Variants in DMBX1 observed in about 807,000 individuals in gnomAD.
DMBX1 encodes the protein diencephalon/mesencephalon homeobox protein 1.
In DMBX1, 7 loss-of-function variants were observed where a neutral mutation model predicts 30.4. The observed-to-expected ratio is 0.23, with a 90% CI of 0.13 to 0.43. The LOEUF is 0.43. Ranked by LOEUF, DMBX1 falls within the 20% of genes least tolerant of loss-of-function variation. The pLI, the probability that DMBX1 is intolerant of heterozygous loss-of-function variation, is 1.00. For missense variants in DMBX1, 460 were observed against 508.5 expected (o/e 0.90, Z 0.92); for synonymous variants, 222 against 214.2 (o/e 1.04, Z -0.32).
rs998265259 is a variant in DMBX1, at chr1:46,493,220, C to G, written c.-13+2437C>G. On this transcript the variant is annotated intron_variant, in intron 2 of 5. Coordinates refer to ENST00000360032, the MANE Select transcript of DMBX1 (RefSeq NM_172225.2). The surrounding 1 kb of genome is among the most constrained non-coding windows in gnomAD (Gnocchi z 4.1). ...ACTGCTGCCCGCCAAAGCCCATTACCGAACGAGTAGGGAGGGGCGCTGGGG... is the reference window on the plus strand; with the variant it reads ...ACTGCTGCCCGCCAAAGCCCATTACGGAACGAGTAGGGAGGGGCGCTGGGG... Among the ~76,000 whole-genome samples, 31 of 152,316 alleles carry G rather than the reference C, an allele frequency of 2.0e-4. No individual in the cohort carries two copies. Among genetic ancestry groups the G allele is most frequent in the African/African-American group, 7.2e-4 (30 of 41,566 alleles).
At position 46,511,192 on chromosome 1, in the gene DMBX1, C is replaced by T. The variant is rs764711059; in HGVS notation, c.591C>T (p.Asp197=). ...AGGATCAGCCGGACCGTGAGGAGGA[C>T]CCCAGGGCAGGGGCTGAGGACCCCA... ...APEDQPDREE[D]PRAGAEDPKA... is the part of the protein sequence containing the mutation. Residue 197 remains aspartate (D), a synonymous_variant, in exon 5 of 6, where the codon GAC becomes GAT. Coordinates refer to ENST00000360032, the MANE Select transcript of DMBX1 (RefSeq NM_172225.2). 1 of 1,613,612 alleles carries T rather than the reference C, an allele frequency of 6.2e-7. No individual in the cohort carries two copies. Among genetic ancestry groups the T allele is most frequent in the Non-Finnish European group, 8.5e-7 (1 of 1,179,956 alleles).
chr1:46,499,497 CT>C (rs1666084411), intron 2 of DMBX1, among the ~76,000 whole-genome samples: 1 of 152,220 alleles, frequency 6.6e-6, no homozygotes, highest in Admixed American at 6.5e-5. Flanking sequence ...TCACCACTTT[CT>C]ACCTCCATGG....
intron 2 of DMBX1, among the ~76,000 whole-genome samples, chr1:46,495,564 A>G (rs1666011237): frequency 6.6e-6 from 1 of 152,182 alleles, no homozygotes; most frequent in Admixed American, 6.5e-5. Flanking sequence ...AATAATAGTT[A>G]TTTATTATAA....
rs200058413 is a variant in DMBX1 at position 46,512,481 on chromosome 1, C to T, written c.1121C>T (p.Thr374Met). The T allele has an allele frequency of 1.6e-5, 25 of 1,608,648 alleles. No individual in the cohort carries two copies. Among genetic ancestry groups the T allele is most frequent in the African/African-American group, 6.7e-5 (5 of 74,968 alleles). The change falls in exon 6 of 6, where the codon ACG (threonine) becomes ATG (methionine). Residue 374 changes from threonine (T) to methionine (M), a missense_variant. By Grantham distance (81) the Thr-to-Met change is moderately conservative. Transcript: ENST00000360032. The surrounding 1 kb of genome is among the most constrained non-coding windows in gnomAD (Gnocchi z 4.8). Reference sequence around the variant, plus strand: ...CACGCGGCCTCCCTGGGACTCGATACGCTGCCCAACTGACTGTCTGGCTTC... The same window carrying T: ...CACGCGGCCTCCCTGGGACTCGATATGCTGCCCAACTGACTGTCTGGCTTC... ...KQHAASLGLD[T>M]LPN
chr1:46,516,146 GTC>G lies in DMBX1; in HGVS notation c.*3655_*3656del, dbSNP rs1228773443. On this transcript the variant is annotated 3_prime_UTR_variant, in exon 6 of 6. Transcript: ENST00000360032. Reference sequence around the variant, plus strand: ...ACTCTGTGTATCTGTCCTTCTGTCAGTCTCATTCCCTGTGATGTTGTGACCTG... The same window carrying G: ...ACTCTGTGTATCTGTCCTTCTGTCAGTCATTCCCTGTGATGTTGTGACCTG... 6.6e-6 allele frequency among the ~76,000 whole-genome samples: 1 copy of G among 152,208 alleles called. No homozygotes were observed. The highest frequency in any genetic ancestry group is 2.4e-5 in the African/African-American group (1 of 41,450).
chr1:46,508,465 C>T (rs993617023), intron 3 of DMBX1, among the ~76,000 whole-genome samples: 1 of 152,212 alleles, frequency 6.6e-6, no homozygotes, highest in Non-Finnish European at 1.5e-5. Flanking sequence ...CCTGCCAGGC[C>T]TCTGGGCAGA....
Position 46,515,915 on chromosome 1 carries a change from G to A in DMBX1, c.*3421G>A, listed in dbSNP as rs145764476. On this transcript the variant is annotated 3_prime_UTR_variant, in exon 6 of 6. Coordinates refer to ENST00000360032, the MANE Select transcript of DMBX1 (RefSeq NM_172225.2). Reference sequence around the variant, plus strand: ...CCCTCAGAGCATGGTCCAGGGGCCCGGATCCCAACCCCAACTCCAAGGCTG... The same window carrying A: ...CCCTCAGAGCATGGTCCAGGGGCCCAGATCCCAACCCCAACTCCAAGGCTG... Among the ~76,000 whole-genome samples, 497 of 152,270 alleles carry A rather than the reference G, an allele frequency of 3.3e-3. 4 individuals are homozygous for A. The highest frequency in any genetic ancestry group is 0.011 in the African/African-American group (469 of 41,554).
Position 46,512,171 on chromosome 1 carries a change from GCCA to G in DMBX1, c.815_817del (p.Thr272del), listed in dbSNP as rs1174457631. The G allele has an allele frequency of 1.2e-6, 2 of 1,614,034 alleles. No homozygotes were observed. Among genetic ancestry groups the G allele is most frequent in the East Asian group, 2.2e-5 (1 of 44,880 alleles). On this transcript the variant is annotated inframe_deletion, in exon 6 of 6. Transcript: ENST00000360032. The surrounding 1 kb of genome is among the most constrained non-coding windows in gnomAD (Gnocchi z 4.8). Reference sequence around the variant, plus strand: ...GGAGCAATTCCGCCAGCACATGGCGGCCACCAACAACCTGGTGCACTACTCGTC... The same window carrying G: ...GGAGCAATTCCGCCAGCACATGGCGGCCAACAACCTGGTGCACTACTCGTC...
chr1:46,512,621 T>A lies in DMBX1; in HGVS notation c.*127T>A. The A allele has an allele frequency of 9.4e-7, 1 of 1,063,732 alleles. No individual in the cohort carries two copies. The highest frequency in any genetic ancestry group is 1.3e-6 in the Non-Finnish European group (1 of 755,900). 65.9% of individuals were successfully genotyped at this position (1,063,732 alleles called of 1,614,324 possible). On this transcript the variant is annotated 3_prime_UTR_variant, in exon 6 of 6. Transcript: ENST00000360032. The surrounding 1 kb of genome is among the most constrained non-coding windows in gnomAD (Gnocchi z 4.8). Reference sequence around the variant, plus strand: ...TCCTAGGGCCTGGGGTCCTGTTCCCTGCTCCGCTTCCCCATACCCCAGCCC... The same window carrying A: ...TCCTAGGGCCTGGGGTCCTGTTCCCAGCTCCGCTTCCCCATACCCCAGCCC...
intron 2 of DMBX1, among the ~76,000 whole-genome samples, chr1:46,495,178 T>G (rs1569879857): frequency 6.6e-6 from 1 of 152,332 alleles, no homozygotes; most frequent in East Asian, 1.9e-4. Context: ...CCATCTGCAA[T>G]TCCCCTAGAA....
intron 2 of DMBX1, among the ~76,000 whole-genome samples, chr1:46,504,195 CT>C (rs1474606372): frequency 1.3e-5 from 2 of 151,512 alleles, no homozygotes; most frequent in African/African-American, 4.9e-5. Context: ...GTTTCTTTTG[CT>C]GTGCAGAAGC....
In DMBX1 at chr1:46,516,089, C is replaced by T. The variant is rs1666485922; in HGVS notation, c.*3595C>T. On this transcript the variant is annotated 3_prime_UTR_variant, in exon 6 of 6. Coordinates refer to ENST00000360032, the MANE Select transcript of DMBX1 (RefSeq NM_172225.2). ...AGACTTAATTCACCCCTGCCTGTCC[C>T]CTCGCCTGCCCCCTGTGTAGTGCTG... Among the ~76,000 whole-genome samples the T allele has an allele frequency of 6.6e-6, 1 of 152,212 alleles. No homozygotes were observed. The highest frequency in any genetic ancestry group is 1.5e-5 in the Non-Finnish European group (1 of 68,036).
In DMBX1 at chr1:46,510,699, C is replaced by G; in HGVS notation, c.333+45C>G. ...ACTAGGCCTTGCAGACAAACACCAG[C>G]CCATCAGTCTGCCCGCTTGTCCAGG... is the stretch of plus-strand genomic sequence containing the variant. On this transcript the variant is annotated intron_variant, in intron 4 of 5. Coordinates refer to ENST00000360032, the MANE Select transcript of DMBX1 (RefSeq NM_172225.2). The surrounding 1 kb of genome is among the most constrained non-coding windows in gnomAD (Gnocchi z 4.1). 6.3e-7 allele frequency: 1 copy of G among 1,586,610 alleles called. No individual in the cohort carries two copies.
chr1:46,509,773 A>G (rs1666316079), intron 3 of DMBX1, among the ~76,000 whole-genome samples: 1 of 152,046 alleles, frequency 6.6e-6, no homozygotes, highest in Non-Finnish European at 1.5e-5. Context: ...ACTGAGTGCA[A>G]CAAGCCTTAC....
At position 46,490,799 on chromosome 1, in the gene DMBX1, G is replaced by C. The variant is rs1031613717; in HGVS notation, c.-13+16G>C. Among the ~76,000 whole-genome samples, 2 of 152,256 alleles carry C rather than the reference G, an allele frequency of 1.3e-5. No individual in the cohort carries two copies. The highest frequency in any genetic ancestry group is 2.9e-5 in the Non-Finnish European group (2 of 68,044). ...GAACCTTCAGGTGGGTGTTTGGGGC[G>C]CAGTGGCCCTAGTTCCCTAGAATTC... On this transcript the variant is annotated intron_variant, in intron 2 of 5. Transcript: ENST00000360032.
intron 2 of DMBX1, among the ~76,000 whole-genome samples, chr1:46,505,974 G>A (rs1483690175): frequency 1.3e-5 from 2 of 152,094 alleles, no homozygotes; most frequent in African/African-American, 2.4e-5. Flanking sequence ...GGTAATGGCG[G>A]TGAATGTATG....
In DMBX1 at chr1:46,493,846, C is replaced by A. The variant is rs569841932; in HGVS notation, c.-13+3063C>A. Among the ~76,000 whole-genome samples, 1 of 152,270 alleles carries A rather than the reference C, an allele frequency of 6.6e-6. No homozygotes were observed. The highest frequency in any genetic ancestry group is 1.9e-4 in the East Asian group (1 of 5,202). ...AGACCCTCCTCCGAGTTCCTCCAGCCGTTTGGAGGCCCTAACTTGGGCCTA... is the reference window on the plus strand; with the variant it reads ...AGACCCTCCTCCGAGTTCCTCCAGCAGTTTGGAGGCCCTAACTTGGGCCTA... On this transcript the variant is annotated intron_variant, in intron 2 of 5. Coordinates refer to ENST00000360032, the MANE Select transcript of DMBX1 (RefSeq NM_172225.2). This position sits in a 1 kb window ranked among gnomAD's most constrained non-coding sequence, Gnocchi z 4.1.
At chr1:46,503,984 T>C (rs988435498) in intron 2 of DMBX1, among the ~76,000 whole-genome samples, 5 of 152,258 alleles carry the variant, frequency 3.3e-5, no homozygotes, top group Non-Finnish European at 7.3e-5. Context: ...TCTTCTCTGA[T>C]GAATGGAATA....
intron 5 of DMBX1, among the ~76,000 whole-genome samples, chr1:46,511,812 C>T (rs566358280): frequency 1.8e-4 from 28 of 152,262 alleles, no homozygotes; most frequent in African/African-American, 5.3e-4. Context: ...AAGAGACAGA[C>T]GTGGGGGCCT....
Sources: gnomAD v4.1 joint callset for allele counts (sites outside exome capture counted in the v4.1 genomes callset) on GRCh38, gnomAD v4.1.1 for gene constraint, Gnocchi (gnomAD v3.1) non-coding constraint, MANE v1.5 for transcripts, NCBI Gene and HGNC (gene_info 2026-07-23, HGNC 2026-07-21) for gene names.